Variants in ZKSCAN8 observed in about 807,000 individuals in gnomAD.
ZKSCAN8 encodes the protein zinc finger with KRAB and SCAN domains 8.
Under a neutral mutation model 57.2 loss-of-function variants are expected in ZKSCAN8, and 27 were observed. The observed-to-expected ratio is 0.47, with a 90% CI of 0.35 to 0.65. The LOEUF is 0.65. Among genes scored for constraint, ZKSCAN8 ranks in the 30% least tolerant of loss-of-function variants. ZKSCAN8 has a pLI of 0.01. For missense variants in ZKSCAN8, 597 were observed against 696.3 expected (o/e 0.86, Z 1.60); for synonymous variants, 214 against 248.7 (o/e 0.86, Z 1.31).
chr6:28,153,913 C>T lies in ZKSCAN8; in HGVS notation c.1633C>T (p.Pro545Ser). The change falls in exon 6 of 6, where the codon CCC becomes TCC. Residue 545 changes from proline (P) to serine (S), a missense_variant. Transcript: ENST00000330236. Reference protein sequence around the residue: ...QHLRIHTGEKPYQCNECGKAF... With the variant: ...QHLRIHTGEKSYQCNECGKAF... ...CCTGAGAATTCACACAGGGGAGAAG[C>T]CCTACCAATGTAATGAGTGTGGGAA... 2 of 1,614,206 alleles carry T rather than the reference C, an allele frequency of 1.2e-6. No homozygotes were observed. Among genetic ancestry groups the T allele is most frequent in the East Asian group, 2.2e-5 (1 of 44,884 alleles).
Position 28,154,683 on chromosome 6 carries a change from T to C in ZKSCAN8, c.*666T>C, listed in dbSNP as rs1309015132. 1.3e-5 allele frequency: 2 copies of C among 152,684 alleles called. No individual in the cohort carries two copies. Among genetic ancestry groups the C allele is most frequent in the African/African-American group, 4.8e-5 (2 of 41,430 alleles). 9.5% of individuals were successfully genotyped at this position (152,684 alleles called of 1,614,324 possible). A position where few individuals can be genotyped will look rare whatever the true frequency, so the allele number is the denominator to read the frequency against. On this transcript the variant is annotated 3_prime_UTR_variant, in exon 6 of 6. Transcript: ENST00000330236. The stretch of plus-strand genomic sequence containing the variant: ...CACCTTCACTGACTCCATTGAGTCA[T>C]TGAGCATCTGTACATATCCTTCACC...
Position 28,152,376 on chromosome 6 carries a change from T to C in ZKSCAN8, c.767T>C (p.Phe256Ser). ...AGGCCAGAAAATTTCAGAAACATGT[T>C]CTCCCTGGGTAAGGAGAGGTGTGGT... ...DNRPENFRNM[F>S]SLGGETRSEN... The change falls in exon 5 of 6, where the codon TTC (phenylalanine) becomes TCC (serine). Residue 256 changes from phenylalanine (F) to serine (S), a missense_variant. Coordinates refer to ENST00000330236, the MANE Select transcript of ZKSCAN8 (RefSeq NM_006298.4). The C allele has an allele frequency of 3.1e-6, 5 of 1,607,148 alleles. No individual in the cohort carries two copies. Among genetic ancestry groups the C allele is most frequent in the South Asian group, 1.1e-5 (1 of 89,384 alleles).
chr6:28,142,586 A>C (rs1487323789), intron 1 of ZKSCAN8, among the ~76,000 whole-genome samples: 1 of 150,490 alleles, frequency 6.6e-6, no homozygotes, highest in Non-Finnish European at 1.5e-5. Flanking sequence ...CAGAATGCCT[A>C]TTTCATTTGT....
Position 28,156,249 on chromosome 6 carries a change from A to G in ZKSCAN8, c.*2232A>G, listed in dbSNP as rs1248080859. ...ATTCCAATAAAAAGTCCTTTTAGCAATGCAACATATTAACAAAATTGGGTG... is the reference window on the plus strand; with the variant it reads ...ATTCCAATAAAAAGTCCTTTTAGCAGTGCAACATATTAACAAAATTGGGTG... On this transcript the variant is annotated 3_prime_UTR_variant, in exon 6 of 6. Transcript: ENST00000330236. 2.5e-6 allele frequency: 1 copy of G among 398,248 alleles called. No homozygotes were observed. Among genetic ancestry groups the G allele is most frequent in the Non-Finnish European group, 4.4e-6 (1 of 225,882 alleles). The allele number at this position is 398,248 out of a possible 1,614,324, so 24.7% of individuals were successfully genotyped here.
intron 3 of ZKSCAN8, 110 bp downstream of exon 3, chr6:28,149,734 C>CTTTGGGACTGGTCTGTAAA: frequency 7.8e-7 from 1 of 1,287,958 alleles, no homozygotes; most frequent in Non-Finnish European, 1.1e-6. Context: ...TGTTTACAGA[C>CTTTGGGACTGGTCTGTAAA]CAGTCCCAAA....
In ZKSCAN8 at chr6:28,155,966, A is replaced by G; in HGVS notation, c.*1949A>G. On this transcript the variant is annotated 3_prime_UTR_variant, in exon 6 of 6. Transcript: ENST00000330236. The stretch of plus-strand genomic sequence containing the variant: ...TTGTTTCTTTTATTTATAAGTTACC[A>G]TTCCTAGTTTCTTTGTACTTGAAAT... 1 of 395,320 alleles carries G rather than the reference A, an allele frequency of 2.5e-6. No homozygotes were observed. Among genetic ancestry groups the G allele is most frequent in the Non-Finnish European group, 4.5e-6 (1 of 224,304 alleles). The allele number at this position is 395,320 out of a possible 1,614,324, so 24.5% of individuals were successfully genotyped here.
chr6:28,148,423 A>G lies in ZKSCAN8; in HGVS notation c.16A>G (p.Arg6Gly). 1 of 1,610,532 alleles carries G rather than the reference A, an allele frequency of 6.2e-7. No individual in the cohort carries two copies. Among genetic ancestry groups the G allele is most frequent in the Non-Finnish European group, 8.5e-7 (1 of 1,177,478 alleles). Residue 6 changes from arginine to glycine, a missense_variant, in exon 2 of 6, where the codon AGA (arginine) becomes GGA (glycine). Transcript: ENST00000330236. Reference protein sequence around the residue: MAEESRKPSAPSPPDQ... With the variant: MAEESGKPSAPSPPDQ... ...TCAGGCTCTAATGGCTGAAGAATCAAGAAAGCCTTCAGCCCCATCCCCACC... is the reference window on the plus strand; with the variant it reads ...TCAGGCTCTAATGGCTGAAGAATCAGGAAAGCCTTCAGCCCCATCCCCACC...
chr6:28,156,104 G>A lies in ZKSCAN8; in HGVS notation c.*2087G>A. 5.0e-6 allele frequency: 2 copies of A among 398,244 alleles called. No homozygotes were observed. The highest frequency in any genetic ancestry group is 8.9e-6 in the Non-Finnish European group (2 of 225,852). The allele number at this position is 398,244 out of a possible 1,614,324, so 24.7% of individuals were successfully genotyped here. A position where few individuals can be genotyped will look rare whatever the true frequency, so the allele number is the denominator to read the frequency against. On this transcript the variant is annotated 3_prime_UTR_variant, in exon 6 of 6. Transcript: ENST00000330236. ...TTCTTCCTGGGGCCAGTATTACCTT[G>A]TATGCAAATATTACATATGATGGGT... is the stretch of plus-strand genomic sequence containing the variant.
chr6:28,156,802 ACT>A lies in ZKSCAN8; in HGVS notation c.*2788_*2789del, dbSNP rs1765797879. ...GACATGATAAGGTGGTTCTTTCATA[ACT>A]CTAATGCCATCCAACATAGCCCTGG... On this transcript the variant is annotated 3_prime_UTR_variant, in exon 6 of 6. Coordinates refer to ENST00000330236, the MANE Select transcript of ZKSCAN8 (RefSeq NM_006298.4). The A allele has an allele frequency of 6.6e-6, 1 of 152,076 alleles. No homozygotes were observed. Among genetic ancestry groups the A allele is most frequent in the African/African-American group, 2.4e-5 (1 of 41,390 alleles). The allele number at this position is 152,076 out of a possible 1,614,324, so 9.4% of individuals were successfully genotyped here.
chr6:28,152,460 C>T, intron 5 of ZKSCAN8, 76 bp downstream of exon 5: 2 of 1,487,382 alleles, frequency 1.3e-6, no homozygotes, highest in East Asian at 2.4e-5. Context: ...GTAGCTACAG[C>T]CTTTCTGAAA....
intron 4 of ZKSCAN8, 32 bp from the exon 5 acceptor site, chr6:28,152,229 A>C: frequency 1.3e-6 from 2 of 1,586,304 alleles, no homozygotes; most frequent in Non-Finnish European, 1.7e-6. Flanking sequence ...GAACAGTCCC[A>C]GTCCCCAAAT....
At chr6:28,142,274 G>A (rs1486632220) in intron 1 of ZKSCAN8, 2 of 152,138 alleles carry the variant, frequency 1.3e-5, no homozygotes, top group Non-Finnish European at 2.9e-5. Flanking sequence ...GTATGTTTTT[G>A]TAGTCGATCT....
chr6:28,148,292 C>T, intron 1 of ZKSCAN8, 24 bp from the exon 2 acceptor site: 2 of 1,137,210 alleles, frequency 1.8e-6, no homozygotes, highest in Non-Finnish European at 2.4e-6. Flanking sequence ...CTTGCCTTAA[C>T]ACTATCATAT....
chr6:28,153,251 G>A lies in ZKSCAN8; in HGVS notation c.971G>A (p.Cys324Tyr). Residue 324 changes from cysteine to tyrosine, a missense_variant, in exon 6 of 6, where the codon TGT (cysteine) becomes TAT (tyrosine). Coordinates refer to ENST00000330236, the MANE Select transcript of ZKSCAN8 (RefSeq NM_006298.4). ...CCCACACAAGAGAGACGACATAAATGTGATGAATGTGGGAAAAGCTTTGCT... is the reference window on the plus strand; with the variant it reads ...CCCACACAAGAGAGACGACATAAATATGATGAATGTGGGAAAAGCTTTGCT... Reference protein sequence around the residue: ...GNPTQERRHKCDECGKSFAQS... With the variant: ...GNPTQERRHKYDECGKSFAQS... The A allele has an allele frequency of 6.2e-7, 1 of 1,614,226 alleles. No individual in the cohort carries two copies. The highest frequency in any genetic ancestry group is 8.5e-7 in the Non-Finnish European group (1 of 1,180,036).
intron 1 of ZKSCAN8, among the ~76,000 whole-genome samples, chr6:28,145,824 A>G (rs1010508103): frequency 2.0e-5 from 3 of 152,208 alleles, no homozygotes; most frequent in African/African-American, 7.2e-5. Context: ...TGTGCCAGTC[A>G]TATTGGTTTA....
chr6:28,153,476 T>G lies in ZKSCAN8; in HGVS notation c.1196T>G (p.Ile399Ser). The G allele has an allele frequency of 6.2e-7, 1 of 1,612,472 alleles. No homozygotes were observed. Among genetic ancestry groups the G allele is most frequent in the Non-Finnish European group, 8.5e-7 (1 of 1,178,544 alleles). ...ACAGGCCTGATTCTGCACCAGAGAA[T>G]CCACACTGGGGAGAAGCCATATCAG... Reference protein sequence around the residue: ...QNTGLILHQRIHTGEKPYQCN... With the variant: ...QNTGLILHQRSHTGEKPYQCN... The change falls in exon 6 of 6, where the codon ATC (isoleucine) becomes AGC (serine). Residue 399 changes from isoleucine to serine, a missense_variant. Physicochemically the swap from Ile to Ser is moderately radical, Grantham distance 142 (BLOSUM62 -2). Transcript: ENST00000330236.
At position 28,152,344 on chromosome 6, in the gene ZKSCAN8, A is replaced by G; in HGVS notation, c.735A>G (p.Arg245=). The change falls in exon 5 of 6, where the codon AGA becomes AGG. Residue 245 remains arginine (R), a synonymous_variant. Coordinates refer to ENST00000330236, the MANE Select transcript of ZKSCAN8 (RefSeq NM_006298.4). ...ATCCATCACAGAAGGATCTGTGTAGAGATAACAGGCCAGAAAATTTCAGAA... is the reference window on the plus strand; with the variant it reads ...ATCCATCACAGAAGGATCTGTGTAGGGATAACAGGCCAGAAAATTTCAGAA... ...LLDPSQKDLC[R]DNRPENFRNM... 1.2e-6 allele frequency: 2 copies of G among 1,612,870 alleles called. No individual in the cohort carries two copies. Among genetic ancestry groups the G allele is most frequent in the Non-Finnish European group, 1.7e-6 (2 of 1,179,712 alleles).
Position 28,151,074 on chromosome 6 carries a change from G to A in ZKSCAN8, c.560-771G>A, listed in dbSNP as rs570295804. ...GCCCACTTCAGCCTCCCAAAGTGCT[G>A]GGATTACAGCCATGAGCCACTGTGC... is the stretch of plus-strand genomic sequence containing the variant. On this transcript the variant is annotated intron_variant, in intron 3 of 5. Coordinates refer to ENST00000330236, the MANE Select transcript of ZKSCAN8 (RefSeq NM_006298.4). Among the ~76,000 whole-genome samples the A allele has an allele frequency of 2.0e-5, 3 of 152,280 alleles. No homozygotes were observed. The South Asian group carries it at 6.2e-4, about 32-fold the overall frequency.
intron 1 of ZKSCAN8, among the ~76,000 whole-genome samples, chr6:28,147,774 A>C (rs562729625): frequency 6.6e-6 from 1 of 152,198 alleles, no homozygotes; most frequent in Non-Finnish European, 1.5e-5. Context: ...TAGTAGAGGA[A>C]GTTAACCTTG....
Sources: gnomAD v4.1 joint callset for allele counts (sites outside exome capture counted in the v4.1 genomes callset) on GRCh38, gnomAD v4.1.1 for gene constraint, MANE v1.5 for transcripts, NCBI Gene and HGNC (gene_info 2026-07-23, HGNC 2026-07-21) for gene names.